The following MATN2 variants were observed in gnomAD, a reference collection of about 807,000 sequenced individuals.
MATN2 encodes matrilin 2, also known as matrilin-2.
A neutral mutation model predicts 103.2 loss-of-function variants in MATN2; 69 were observed. That is an observed-to-expected ratio of 0.67 (90% CI 0.55 to 0.82). The LOEUF is 0.82. Ranked by LOEUF, MATN2 falls within the 40% of genes least tolerant of loss-of-function variation. The pLI, the probability that MATN2 is intolerant of heterozygous loss-of-function variation, is 0.00. For synonymous variants in MATN2, 429 were observed against 450.2 expected, an observed-to-expected ratio of 0.95 and a Z score of 0.60; for missense variants, 1,023 against 1,211.5, an observed-to-expected ratio of 0.84 and a Z score of 2.31.
chr8:97,988,770 A>G (rs1246278864), intron 6 of MATN2, among the ~76,000 whole-genome samples: 8 of 152,230 alleles, frequency 5.3e-5, no homozygotes, highest in Admixed American at 5.2e-4. Flanking sequence ...ATTTGAAGAA[A>G]AACTCATACT....
chr8:97,970,504 C>T (rs773163076), intron 5 of MATN2, among the ~76,000 whole-genome samples: 4 of 152,156 alleles, frequency 2.6e-5, no homozygotes, highest in East Asian at 1.9e-4. Context: ...GTTACCAAAA[C>T]ATTAGGGGTT....
chr8:98,000,604 A>AAAAAAAAAG (rs1554613598), intron 7 of MATN2, among the ~76,000 whole-genome samples: 3 of 127,208 alleles, frequency 2.4e-5, no homozygotes, highest in African/African-American at 5.9e-5. Context: ...CTCAAAAAAA[A>AAAAAAAAAG]AAAAAAGAAA....
intron 4 of MATN2, 70 bp downstream of exon 4, chr8:97,941,969 G>C: frequency 6.4e-7 from 1 of 1,571,282 alleles, no homozygotes; most frequent in African/African-American, 1.4e-5. Context: ...TTTTATCTGG[G>C]CTCATTTTAT....
At chr8:98,004,501 C>T (rs1281195228) in intron 8 of MATN2, among the ~76,000 whole-genome samples, 1 of 152,130 alleles carries the variant, frequency 6.6e-6, no homozygotes, top group Non-Finnish European at 1.5e-5. Context: ...CCATTTATGA[C>T]AAAAAGCAAA....
intron 4 of MATN2, among the ~76,000 whole-genome samples, chr8:97,943,005 G>T (rs1810620815): frequency 6.6e-6 from 1 of 152,054 alleles, no homozygotes; most frequent in Admixed American, 6.6e-5. Context: ...TGGGCGGTAT[G>T]TGTTCTTAGC....
In MATN2 at chr8:97,951,297, G is replaced by A. The variant is rs1586082266; in HGVS notation, c.835+9398G>A. ...CTGGGGTGAGTAGAGCCCCATGGGA[G>A]AACTGAGCTGACTAAATGTGAGTGG... is the stretch of plus-strand genomic sequence containing the variant. On this transcript the variant is annotated intron_variant, in intron 4 of 18. Transcript: ENST00000254898. Among the ~76,000 whole-genome samples the A allele has an allele frequency of 2.6e-5, 4 of 152,024 alleles. No individual in the cohort carries two copies. The South Asian group carries it at 8.3e-4, about 32-fold the overall frequency.
At chr8:97,975,445 A>G (rs997569614) in intron 5 of MATN2, among the ~76,000 whole-genome samples, 1 of 152,212 alleles carries the variant, frequency 6.6e-6, no homozygotes, top group African/African-American at 2.4e-5. Context: ...CAGCATAATT[A>G]TGGGATATCC....
intron 6 of MATN2, among the ~76,000 whole-genome samples, chr8:97,987,520 T>G (rs1350838296): frequency 6.6e-6 from 1 of 152,230 alleles, no homozygotes; most frequent in Non-Finnish European, 1.5e-5. Flanking sequence ...GAAAATTTCT[T>G]CTTCTTGCTT....
chr8:97,871,346 A>G (rs1817890184), intron 1 of MATN2, among the ~76,000 whole-genome samples: 1 of 152,246 alleles, frequency 6.6e-6, no homozygotes, highest in African/African-American at 2.4e-5. Flanking sequence ...CTTAGGCCTC[A>G]GGAAAAGCAG....
intron 4 of MATN2, among the ~76,000 whole-genome samples, chr8:97,957,856 A>G (rs902815163): frequency 6.6e-6 from 1 of 151,996 alleles, no homozygotes; most frequent in Non-Finnish European, 1.5e-5. Flanking sequence ...CCCAAATCCC[A>G]CCCCCTGCCA....
At chr8:97,968,879 A>G (rs1478066131) in intron 5 of MATN2, among the ~76,000 whole-genome samples, 2 of 151,944 alleles carry the variant, frequency 1.3e-5, no homozygotes, top group Non-Finnish European at 2.9e-5. Context: ...GCAACACCCC[A>G]CTCTCAGTAC....
intron 6 of MATN2, among the ~76,000 whole-genome samples, chr8:97,990,615 C>T (rs896438549): frequency 6.6e-6 from 1 of 152,304 alleles, no homozygotes. Context: ...GGTATAATCA[C>T]ATAGTGAAAT....
chr8:97,931,498 T>C lies in MATN2; in HGVS notation c.688T>C (p.Ser230Pro). The part of the protein sequence containing the change: ...ANFSQIETLT[S>P]VFQKKLCTAH... ...TTTCAGCCAGATTGAGACGCTGACC[T>C]CCGTGTTCCAGAAGAAGTTGTGCAG... Residue 230 changes from serine (S) to proline (P), a missense_variant, in exon 3 of 19, where the codon TCC becomes CCC. By Grantham distance (74) the Ser-to-Pro change is moderately conservative. Coordinates refer to ENST00000254898, the MANE Select transcript of MATN2 (RefSeq NM_002380.5). The surrounding 1 kb of genome is among the most constrained non-coding windows in gnomAD (Gnocchi z 4.1). The C allele has an allele frequency of 6.2e-7, 1 of 1,610,018 alleles. No homozygotes were observed. Among genetic ancestry groups the C allele is most frequent in the Non-Finnish European group, 8.5e-7 (1 of 1,178,170 alleles).
At position 97,931,636 on chromosome 8, in the gene MATN2, T is replaced by C. The variant is rs1195707587; in HGVS notation, c.712+114T>C. On this transcript the variant is annotated intron_variant, in intron 3 of 18. Coordinates refer to ENST00000254898, the MANE Select transcript of MATN2 (RefSeq NM_002380.5). The surrounding 1 kb of genome is among the most constrained non-coding windows in gnomAD (Gnocchi z 4.1). ...CAGGTACTGTGCTGGCAATAGGTTT[T>C]CAACAAAGGCCAAGATAAACACAAC... 2 of 1,020,394 alleles carry C rather than the reference T, an allele frequency of 2.0e-6. No individual in the cohort carries two copies. The highest frequency in any genetic ancestry group is 2.8e-6 in the Non-Finnish European group (2 of 716,380). 63.2% of individuals were successfully genotyped at this position (1,020,394 alleles called of 1,614,324 possible).
At chr8:98,035,555 C>T in intron 18 of MATN2, 102 bp from the exon 19 acceptor site, 1 of 655,694 alleles carries the variant, frequency 1.5e-6, no homozygotes, top group Non-Finnish European at 2.6e-6. Context: ...AAACCAAAAC[C>T]TTTTAGATTT....
At chr8:97,938,700 A>G (rs182131184) in intron 3 of MATN2, among the ~76,000 whole-genome samples, 6 of 152,334 alleles carry the variant, frequency 3.9e-5, no homozygotes, top group African/African-American at 1.4e-4. Context: ...TATTCACAAT[A>G]ATTATGTTTT....
At chr8:97,998,266 A>G (rs1164168222) in intron 7 of MATN2, among the ~76,000 whole-genome samples, 1 of 150,372 alleles carries the variant, frequency 6.7e-6, no homozygotes, top group East Asian at 2.0e-4. Flanking sequence ...CACGCCTGTA[A>G]TCCCAGCACT....
At chr8:97,941,034 C>CTCAGTA (rs1810536335) in intron 3 of MATN2, among the ~76,000 whole-genome samples, 1 of 151,690 alleles carries the variant, frequency 6.6e-6, no homozygotes, top group Non-Finnish European at 1.5e-5. Context: ...TGGTGGCACA[C>CTCAGTA]GCCCATAGTC....
At chr8:97,945,821 A>G (rs1810737094) in intron 4 of MATN2, among the ~76,000 whole-genome samples, 1 of 151,652 alleles carries the variant, frequency 6.6e-6, no homozygotes, top group Non-Finnish European at 1.5e-5. Flanking sequence ...ATGGTGATGG[A>G]CCTTGGCTAT....
Sources: allele counts gnomAD v4.1 joint callset (sites outside exome capture counted in the v4.1 genomes callset), GRCh38; gene constraint gnomAD v4.1.1; non-coding constraint Gnocchi (gnomAD v3.1); transcripts MANE v1.5; gene names NCBI Gene and HGNC (gene_info 2026-07-23, HGNC 2026-07-21).